The following MATR3 variants were observed in gnomAD, a reference collection of about 807,000 sequenced individuals.
MATR3 encodes matrin-3.
In MATR3, 4 loss-of-function variants were observed where a neutral mutation model predicts 85.5. The ratio of observed to expected loss-of-function variants is 0.05; its 90% CI spans 0.02 to 0.11. The LOEUF (loss-of-function observed/expected upper bound fraction) is 0.11. Ranked by LOEUF, MATR3 falls within the 10% of genes least tolerant of loss-of-function variation. The probability of loss-of-function intolerance (pLI) is 1.00; values close to 1 mark genes in which losing one functional copy is unlikely to be tolerated. For synonymous variants in MATR3, 336 were observed against 343.1 expected (o/e 0.98, Z 0.23); for missense variants, 685 against 1,016.1 (o/e 0.67, Z 4.43).
intron 1 of MATR3, among the ~76,000 whole-genome samples, chr5:139,302,111 C>T (rs1167147600): frequency 6.6e-6 from 1 of 152,180 alleles, no homozygotes; most frequent in Non-Finnish European, 1.5e-5. Context: ...ACACATGCTA[C>T]TTTACCACAC....
intron 1 of MATR3, chr5:139,294,925 C>G (rs967206105): frequency 6.6e-6 from 1 of 152,034 alleles, no homozygotes; most frequent in South Asian, 2.1e-4. Context: ...ATTTCTAGAA[C>G]GGTTATGGTG....
At chr5:139,278,801 C>T (rs746797159) in intron 2 of MATR3, 14 of 512,684 alleles carry the variant, frequency 2.7e-5, no homozygotes, top group Non-Finnish European at 3.9e-5. Flanking sequence ...GTCAGCTATC[C>T]AGGCTCATGT....
intron 12 of MATR3, 160 bp from the exon 13 acceptor site, chr5:139,325,280 T>C (rs1192097649): frequency 1.3e-6 from 2 of 1,551,426 alleles, no homozygotes; most frequent in African/African-American, 1.4e-5. Context: ...CAGAGTAAAT[T>C]TGTCTTTCTT....
rs1344873368 is a variant in MATR3, at chr5:139,317,066, A to G, written c.1143A>G (p.Gly381=). Residue 381 remains glycine (G), a synonymous_variant, in exon 6 of 15, where the codon GGA becomes GGG. Coordinates refer to ENST00000394805, the MANE Select transcript of MATR3 (RefSeq NM_018834.6). ...CTTCCCATAAAGGTGCTGGAAATGG[A>G]AACCTGCAAGGACCTAGACACATGC... is the stretch of plus-strand genomic sequence containing the variant. ...GPRGNLGAGN[G]NLQGPRHMQK... 5 of 1,613,944 alleles carry G rather than the reference A, an allele frequency of 3.1e-6. No individual in the cohort carries two copies. The highest frequency in any genetic ancestry group is 4.2e-6 in the Non-Finnish European group (5 of 1,179,962).
chr5:139,323,347 C>G (rs2152012855), intron 12 of MATR3, among the ~76,000 whole-genome samples: 2 of 151,900 alleles, frequency 1.3e-5, no homozygotes. Context: ...ATAGTTAAAA[C>G]TTTTGCCACT....
At position 139,329,903 on chromosome 5, in the gene MATR3, A is replaced by C. The variant is rs1290328755; in HGVS notation, c.*508A>C. 2.2e-6 allele frequency: 1 copy of C among 454,434 alleles called. No individual in the cohort carries two copies. Among genetic ancestry groups the C allele is most frequent in the East Asian group, 6.9e-5 (1 of 14,414 alleles). 28.2% of individuals were successfully genotyped at this position (454,434 alleles called of 1,614,324 possible). On this transcript the variant is annotated 3_prime_UTR_variant, in exon 15 of 15. Coordinates refer to ENST00000394805, the MANE Select transcript of MATR3 (RefSeq NM_018834.6). The stretch of plus-strand genomic sequence containing the variant: ...AGAACTTAATTAACGTGAGATTGGC[A>C]ATTGAAATGCAGGTGCAGTTTTCTG...
At chr5:139,298,910 T>A (rs770150616) in intron 1 of MATR3, among the ~76,000 whole-genome samples, 1 of 152,228 alleles carries the variant, frequency 6.6e-6, no homozygotes, top group Admixed American at 6.5e-5. Flanking sequence ...GATACCTATA[T>A]TGCAGTGAAA....
chr5:139,328,515 G>T (rs1026794436), intron 14 of MATR3, among the ~76,000 whole-genome samples: 4 of 152,072 alleles, frequency 2.6e-5, no homozygotes, highest in African/African-American at 9.7e-5. Context: ...AGCTACACTC[G>T]TGGCTCAGTC....
At chr5:139,326,961 G>A (rs555702679) in intron 14 of MATR3, among the ~76,000 whole-genome samples, 167 of 152,200 alleles carry the variant, frequency 1.1e-3, no homozygotes, top group African/African-American at 3.9e-3. Flanking sequence ...TTTTAATATT[G>A]ACATTATTAT....
intron 9 of MATR3, among the ~76,000 whole-genome samples, chr5:139,319,818 T>A (rs1755448580): frequency 7.3e-6 from 1 of 137,552 alleles, no homozygotes; most frequent in South Asian, 2.5e-4. Flanking sequence ...CACTCCAGCC[T>A]GGGCAGCAGA....
intron 1 of MATR3, among the ~76,000 whole-genome samples, chr5:139,301,618 A>G (rs1754448295): frequency 1.3e-5 from 2 of 151,924 alleles, no homozygotes; most frequent in South Asian, 2.1e-4. Flanking sequence ...CACCGCGCCC[A>G]GCCCAGAATG....
Position 139,329,446 on chromosome 5 carries a change from T to C in MATR3, c.*51T>C. On this transcript the variant is annotated 3_prime_UTR_variant, in exon 15 of 15. Transcript: ENST00000394805. The stretch of plus-strand genomic sequence containing the variant: ...CAAAGAAAATAATGGTTCTTTGTTT[T>C]TAATGTTAACCTTTTTTAAATACAA... 6.9e-7 allele frequency: 1 copy of C among 1,458,600 alleles called. No homozygotes were observed. Among genetic ancestry groups the C allele is most frequent in the Admixed American group, 1.7e-5 (1 of 59,580 alleles). The allele number at this position is 1,458,600 out of a possible 1,614,324, so 90.4% of individuals were successfully genotyped here. A position where few individuals can be genotyped will look rare whatever the true frequency, so the allele number is the denominator to read the frequency against.
In MATR3 at chr5:139,321,996, C is replaced by T. The variant is rs775207087; in HGVS notation, c.1701C>T (p.Asp567=). The T allele has an allele frequency of 1.2e-6, 2 of 1,613,922 alleles. No individual in the cohort carries two copies. Among genetic ancestry groups the T allele is most frequent in the East Asian group, 2.2e-5 (1 of 44,852 alleles). The part of the protein sequence containing the change: ...LWFQGRCVKV[D]LSEKYKKLVL... ...TTCAGGGGAGATGTGTGAAGGTTGA[C>T]CTGTCTGAGAAATATAAAAAACTGG... is the stretch of plus-strand genomic sequence containing the variant. The change falls in exon 10 of 15, where the codon GAC becomes GAT. Residue 567 remains aspartate, a synonymous_variant. Transcript: ENST00000394805.
intron 4 of MATR3, 133 bp downstream of exon 4, chr5:139,315,871 T>G (rs1040008406): frequency 1.2e-6 from 1 of 853,804 alleles, no homozygotes; most frequent in South Asian, 1.5e-5. Context: ...TAAAATTCAC[T>G]TTGGTTAACA....
At chr5:139,317,876 A>AAT (rs1298907211) in intron 7 of MATR3, among the ~76,000 whole-genome samples, 155 bp downstream of exon 7, 1 of 152,242 alleles carries the variant, frequency 6.6e-6, no homozygotes, top group Non-Finnish European at 1.5e-5. Flanking sequence ...GTAGTTGATG[A>AAT]ATATAATAGG....
intron 12 of MATR3, chr5:139,325,196 A>C: frequency 6.8e-7 from 1 of 1,476,394 alleles, no homozygotes; most frequent in South Asian, 1.4e-5. Flanking sequence ...CCGTCTCAAA[A>C]AAAAAAAGGC....
At chr5:139,299,546 A>G (rs1398169333) in intron 1 of MATR3, among the ~76,000 whole-genome samples, 1 of 152,146 alleles carries the variant, frequency 6.6e-6, no homozygotes, top group Non-Finnish European at 1.5e-5. Flanking sequence ...ATAGTGGTGC[A>G]TGCCTGTGGT....
chr5:139,285,921 T>C (rs1753686537), intron 3 of MATR3, among the ~76,000 whole-genome samples: 1 of 152,046 alleles, frequency 6.6e-6, no homozygotes, highest in African/African-American at 2.4e-5. Flanking sequence ...GGTGAACCCA[T>C]ATACGCACTT....
chr5:139,287,221 T>G (rs1422295276), intron 3 of MATR3, among the ~76,000 whole-genome samples: 1 of 152,192 alleles, frequency 6.6e-6, no homozygotes, highest in African/African-American at 2.4e-5. Context: ...GATTTTGTGG[T>G]GTCAAAGTAT....
Sources: allele counts gnomAD v4.1 joint callset (sites outside exome capture counted in the v4.1 genomes callset), GRCh38; gene constraint gnomAD v4.1.1; transcripts MANE v1.5; gene names NCBI Gene and HGNC (gene_info 2026-07-23, HGNC 2026-07-21).